STEAP3: variants seen among roughly 807,000 people sequenced by gnomAD.
The protein encoded by STEAP3 is STEAP3 metalloreductase, also known as metalloreductase STEAP3.
In STEAP3, 35 loss-of-function variants were observed where a neutral mutation model predicts 34.9. The ratio of observed to expected loss-of-function variants is 1.00; its 90% CI spans 0.76 to 1.33. STEAP3 has a LOEUF of 1.33. Ranked by LOEUF, STEAP3 falls within the 40% of genes most tolerant of loss-of-function variation. The pLI is 0.00. For missense variants in STEAP3, 652 were observed against 667.6 expected (o/e 0.98, Z 0.26); for synonymous variants, 281 against 301.6 (o/e 0.93, Z 0.71).
At chr2:119,260,318 T>TC (rs1364215757) in intron 5 of STEAP3, among the ~76,000 whole-genome samples, 42 of 123,722 alleles carry the variant, frequency 3.4e-4, no homozygotes, top group African/African-American at 1.0e-3. Context: ...TTTTTTTTTT[T>TC]TCTTTTTTTT....
chr2:119,238,061 C>T (rs953602246), intron 2 of STEAP3, among the ~76,000 whole-genome samples: 9 of 152,226 alleles, frequency 5.9e-5, no homozygotes, highest in Admixed American at 1.3e-4. Context: ...TTTAACCATT[C>T]CTCAGTTGAT....
intron 1 of STEAP3, among the ~76,000 whole-genome samples, chr2:119,229,979 C>T (rs1208165230): frequency 6.6e-6 from 1 of 152,108 alleles, no homozygotes; most frequent in African/African-American, 2.4e-5. Flanking sequence ...AACAATGAGG[C>T]CTTGGCTTGG....
chr2:119,241,844 C>A (rs1323846810), intron 2 of STEAP3, among the ~76,000 whole-genome samples: 1 of 152,254 alleles, frequency 6.6e-6, no homozygotes, highest in Non-Finnish European at 1.5e-5. Context: ...AAATCTGGAT[C>A]TTCTCGCCTT....
intron 4 of STEAP3, among the ~76,000 whole-genome samples, chr2:119,252,079 C>A (rs1385996298): frequency 1.3e-5 from 2 of 152,174 alleles, no homozygotes; most frequent in African/African-American, 4.8e-5. Context: ...CACCACAGAG[C>A]CAATATCAGG....
intron 5 of STEAP3, among the ~76,000 whole-genome samples, chr2:119,259,927 A>G (rs1396672393): frequency 2.0e-5 from 3 of 152,064 alleles, no homozygotes; most frequent in African/African-American, 7.2e-5. Context: ...TGGACTTTTC[A>G]CCCTGAAGCT....
chr2:119,254,998 G>A, intron 5 of STEAP3, 150 bp downstream of exon 5: 1 of 1,040,534 alleles, frequency 9.6e-7, no homozygotes, highest in East Asian at 2.6e-5. Flanking sequence ...TGACCCAGAG[G>A]GCCCATCCAA....
chr2:119,235,029 C>T (rs567785450), intron 2 of STEAP3, among the ~76,000 whole-genome samples: 2 of 152,326 alleles, frequency 1.3e-5, no homozygotes, highest in East Asian at 1.9e-4. Flanking sequence ...GATTCTTGCT[C>T]AGCCAGGAAA....
At chr2:119,256,026 A>G (rs937933233) in intron 5 of STEAP3, among the ~76,000 whole-genome samples, 5 of 152,216 alleles carry the variant, frequency 3.3e-5, no homozygotes, top group Admixed American at 6.5e-5. Flanking sequence ...CTCCCCTCCC[A>G]TGAGTGGGAG....
intron 1 of STEAP3, among the ~76,000 whole-genome samples, chr2:119,225,005 A>C (rs936339561): frequency 3.3e-5 from 5 of 152,176 alleles, no homozygotes; most frequent in East Asian, 3.9e-4. Context: ...GGAACCTACC[A>C]CTGGGGCGAA....
At position 119,235,838 on chromosome 2, in the gene STEAP3, C is replaced by T. The variant is rs113924969; in HGVS notation, c.22+4804C>T. 3.0e-3 allele frequency among the ~76,000 whole-genome samples: 450 copies of T among 152,282 alleles called. 3 individuals are homozygous for T. The highest frequency in any genetic ancestry group is 0.01 in the African/African-American group (417 of 41,550). ...GAGACCCCAGTGGCATGACTGTCCT[C>T]GGCAGGGAACCAGATGTTGGGACCA... On this transcript the variant is annotated intron_variant, in intron 2 of 5. Coordinates refer to ENST00000393110, the MANE Select transcript of STEAP3 (RefSeq NM_182915.3).
chr2:119,234,493 A>G lies in STEAP3; in HGVS notation c.22+3459A>G, dbSNP rs189748410. Among the ~76,000 whole-genome samples, 3 of 152,250 alleles carry G rather than the reference A, an allele frequency of 2.0e-5. No homozygotes were observed. In the East Asian group the frequency reaches 5.8e-4, roughly 29 times the overall value. On this transcript the variant is annotated intron_variant, in intron 2 of 5. Transcript: ENST00000393110. ...CTAAAGCCCTCCTCCCTGGCTCCAT[A>G]GCGCCCGGTCATCCCCTCATTCCAG...
intron 5 of STEAP3, chr2:119,257,656 C>T (rs1213451301): frequency 3.5e-6 from 5 of 1,443,532 alleles, no homozygotes; most frequent in East Asian, 5.5e-5. Context: ...ATGCAGGATG[C>T]GTGCAGCCAA....
At chr2:119,262,104 G>T (rs1442686404) in intron 5 of STEAP3, among the ~76,000 whole-genome samples, 1 of 152,154 alleles carries the variant, frequency 6.6e-6, no homozygotes, top group African/African-American at 2.4e-5. Context: ...ACGGTGCCAG[G>T]TCACCCAGAC....
At chr2:119,253,035 T>G (rs1351073401) in intron 4 of STEAP3, among the ~76,000 whole-genome samples, 1 of 152,182 alleles carries the variant, frequency 6.6e-6, no homozygotes, top group Admixed American at 6.5e-5. Flanking sequence ...CTGTGAGGTG[T>G]GAGTAAGACT....
intron 5 of STEAP3, among the ~76,000 whole-genome samples, chr2:119,256,712 C>T (rs781456879): frequency 1.2e-4 from 18 of 152,186 alleles, no homozygotes; most frequent in Admixed American, 3.3e-4. Context: ...CAGTGCCTGC[C>T]TTCCATCCAC....
At chr2:119,227,547 C>T (rs762843563) in intron 1 of STEAP3, among the ~76,000 whole-genome samples, 22 of 152,240 alleles carry the variant, frequency 1.4e-4, no homozygotes, top group Non-Finnish European at 2.4e-4. Context: ...CTGTGACTTA[C>T]TCCATCTCTG....
chr2:119,236,635 G>T (rs1212840436), intron 2 of STEAP3, among the ~76,000 whole-genome samples: 2 of 152,188 alleles, frequency 1.3e-5, no homozygotes, highest in Non-Finnish European at 2.9e-5. Context: ...TTAGGGAAGG[G>T]ATGACTTTAG....
chr2:119,236,361 T>C (rs1677094345), intron 2 of STEAP3, among the ~76,000 whole-genome samples: 1 of 152,222 alleles, frequency 6.6e-6, no homozygotes, highest in Non-Finnish European at 1.5e-5. Context: ...GTGAAGTGAC[T>C]TGGCCGGGCC....
Position 119,263,426 on chromosome 2 carries a change from G to A in STEAP3, c.*88G>A, listed in dbSNP as rs759874514. 3.3e-6 allele frequency: 5 copies of A among 1,532,500 alleles called. No homozygotes were observed. The highest frequency in any genetic ancestry group is 1.4e-5 in the African/African-American group (1 of 73,084). 94.9% of individuals were successfully genotyped at this position (1,532,500 alleles called of 1,614,324 possible). The stretch of plus-strand genomic sequence containing the variant: ...TTTCTTTTCTTGGTGGTGCAAAGTG[G>A]TATAACTGTGTGCAAATAGGAGGTT... On this transcript the variant is annotated 3_prime_UTR_variant, in exon 6 of 6. Coordinates refer to ENST00000393110, the MANE Select transcript of STEAP3 (RefSeq NM_182915.3).
Sources: allele counts gnomAD v4.1 joint callset (sites outside exome capture counted in the v4.1 genomes callset), GRCh38; gene constraint gnomAD v4.1.1; transcripts MANE v1.5; gene names NCBI Gene and HGNC (gene_info 2026-07-23, HGNC 2026-07-21).